ZNF532: variants seen among roughly 807,000 people sequenced by gnomAD.
The protein encoded by ZNF532 is zinc finger protein 532.
ZNF532 carries 22 observed loss-of-function variants against 89.3 expected under a neutral mutation model. The observed-to-expected ratio is 0.25, with a 90% confidence interval of 0.18 to 0.35. The LOEUF is 0.35. Among genes scored for constraint, ZNF532 ranks in the 10% least tolerant of loss-of-function variants. The pLI is 1.00. For synonymous variants in ZNF532, 606 were observed against 649.6 expected (o/e 0.93, Z 1.02); for missense variants, 1,132 against 1,643.4 (o/e 0.69, Z 5.38).
At chr18:58,968,650 G>A (rs149667117) in intron 7 of ZNF532, among the ~76,000 whole-genome samples, 70 of 152,276 alleles carry the variant, frequency 4.6e-4, no homozygotes, top group African/African-American at 1.6e-3. Context: ...AGATCCCTTG[G>A]GGTGGTGGGA....
At chr18:58,924,608 T>C (rs887704057) in intron 3 of ZNF532, among the ~76,000 whole-genome samples, 3 of 152,218 alleles carry the variant, frequency 2.0e-5, no homozygotes, top group Admixed American at 6.5e-5. Context: ...TGTAGATTCA[T>C]GTAACAAATA....
chr18:58,938,575 T>C (rs1235338058), intron 4 of ZNF532, among the ~76,000 whole-genome samples: 1 of 152,242 alleles, frequency 6.6e-6, no homozygotes, highest in African/African-American at 2.4e-5. Flanking sequence ...CTTAAATTTA[T>C]TTTCTAGGAG....
At chr18:58,973,943 G>GAGAT (rs1048097462) in intron 7 of ZNF532, among the ~76,000 whole-genome samples, 1 of 152,166 alleles carries the variant, frequency 6.6e-6, no homozygotes, top group Admixed American at 6.5e-5. Flanking sequence ...AGCAAAACCA[G>GAGAT]AGATAGAAAG....
At chr18:58,951,645 T>TGGTTTTTTTTTTG (rs2064170722) in intron 6 of ZNF532, among the ~76,000 whole-genome samples, 2 of 88,934 alleles carry the variant, frequency 2.2e-5, no homozygotes, top group Non-Finnish European at 4.1e-5. Flanking sequence ...CTCGCCCTGT[T>TGGTTTTTTTTTTG]GTTTTTTTTT....
At chr18:58,914,110 T>G (rs2060447904) in intron 2 of ZNF532, among the ~76,000 whole-genome samples, 1 of 152,250 alleles carries the variant, frequency 6.6e-6, no homozygotes, top group African/African-American at 2.4e-5. Context: ...CTTACGTTTT[T>G]CTTTTGACTT....
rs1179053195 is a variant in ZNF532 at position 58,942,349 on chromosome 18, C to CCCTTCCTTCCTT, written c.2705+2776_2705+2787dup. ...TCCCTCCCTCCCTCCCTCCCTCCCT[C>CCCTTCCTTCCTT]CCTTCCTTCCTTCCTTCCTTCCTTC... On this transcript the variant is annotated intron_variant, in intron 5 of 9. Coordinates refer to ENST00000591808, the MANE Select transcript of ZNF532 (RefSeq NM_001375912.1). Among the ~76,000 whole-genome samples the CCCTTCCTTCCTT allele has an allele frequency of 8.8e-3, 380 of 43,120 alleles. 6 individuals are homozygous for CCCTTCCTTCCTT. The highest frequency in any genetic ancestry group is 0.016 in the Middle Eastern group (1 of 64). 28.3% of individuals were successfully genotyped at this position (43,120 alleles called of 152,430 possible). A position where few individuals can be genotyped will look rare whatever the true frequency, so the allele number is the denominator to read the frequency against.
At chr18:58,935,008 C>T (rs1603227658) in intron 4 of ZNF532, among the ~76,000 whole-genome samples, 1 of 151,998 alleles carries the variant, frequency 6.6e-6, no homozygotes, top group African/African-American at 2.4e-5. Context: ...AGAAATAGTG[C>T]GATGGTCTTT....
Sources: allele counts gnomAD v4.1 joint callset (sites outside exome capture counted in the v4.1 genomes callset), GRCh38; gene constraint gnomAD v4.1.1; transcripts MANE v1.5; gene names NCBI Gene and HGNC (gene_info 2026-07-23, HGNC 2026-07-21).